Variants in JPH3 observed in about 807,000 individuals in gnomAD.
The protein encoded by JPH3 is junctophilin-3.
JPH3 carries 11 observed loss-of-function variants against 59.6 expected under a neutral mutation model. The ratio of observed to expected loss-of-function variants is 0.18; its 90% CI spans 0.12 to 0.31. The LOEUF (loss-of-function observed/expected upper bound fraction) is 0.31. JPH3 is among the 10% of genes least tolerant of loss of function. JPH3 has a pLI of 1.00. For missense variants in JPH3, 1,202 were observed against 1,105.7 expected, an observed-to-expected ratio of 1.09 and a Z score of -1.24; for synonymous variants, 673 against 483.6, an observed-to-expected ratio of 1.39 and a Z score of -5.14.
At chr16:87,659,382 AAAAAG>A (rs1263007850) in intron 2 of JPH3, among the ~76,000 whole-genome samples, 6,172 of 131,406 alleles carry the variant, frequency 0.047, 488 homozygotes, top group Non-Finnish European at 0.079. Flanking sequence ...CTCAAAAAAA[AAAAAG>A]AAAAAAAAAA....
chr16:87,670,165 C>T (rs998281150), intron 2 of JPH3, among the ~76,000 whole-genome samples: 4 of 152,092 alleles, frequency 2.6e-5, no homozygotes, highest in Non-Finnish European at 4.4e-5. Flanking sequence ...CTGCACCGGC[C>T]GATGTGGGCA....
intron 1 of JPH3, among the ~76,000 whole-genome samples, chr16:87,618,580 T>C (rs1263161055): frequency 6.6e-6 from 1 of 152,188 alleles, no homozygotes; most frequent in African/African-American, 2.4e-5. Flanking sequence ...CCAGCCTTTT[T>C]CCACCTGGCC....
Position 87,644,293 on chromosome 16 carries a change from C to T in JPH3, c.418C>T (p.Gln140Ter). The T allele has an allele frequency of 6.2e-7, 1 of 1,611,798 alleles. No individual in the cohort carries two copies. Among genetic ancestry groups the T allele is most frequent in the Non-Finnish European group, 8.5e-7 (1 of 1,179,380 alleles). The change falls in exon 2 of 5, where the codon CAG becomes TAG. Residue 140 changes from glutamine to a stop codon, truncating the protein, a stop_gained. Transcript: ENST00000284262. LOFTEE classifies it high-confidence loss of function. ...YQGQWVGGMR[Q>*]GYGVRQSVPY... ...GGGCCAGTGGGTCGGTGGCATGCGC[C>T]AGGGCTACGGCGTCCGGCAGAGCGT...
intron 3 of JPH3, among the ~76,000 whole-genome samples, chr16:87,686,257 G>A (rs1422116101): frequency 6.6e-6 from 1 of 152,248 alleles, no homozygotes; most frequent in Admixed American, 6.5e-5. Context: ...TTAAGACTCT[G>A]GAGTCGGAGA....
At chr16:87,683,847 C>G in intron 2 of JPH3, 4 of 341,924 alleles carry the variant, frequency 1.2e-5, no homozygotes, top group Non-Finnish European at 2.1e-5. Context: ...CTCAAGCGAT[C>G]TTCCTGCCTT....
At position 87,659,374 on chromosome 16, in the gene JPH3, CA is replaced by C. The variant is rs1354448370; in HGVS notation, c.1160+14351del. The stretch of plus-strand genomic sequence containing the variant: ...CCTGGGTGACAGAGTAAGACTGTCT[CA>C]AAAAAAAAAAAGAAAAAAAAAAAGA... On this transcript the variant is annotated intron_variant, in intron 2 of 4. Coordinates refer to ENST00000284262, the MANE Select transcript of JPH3 (RefSeq NM_020655.4). Among the ~76,000 whole-genome samples the C allele has an allele frequency of 3.5e-4, 26 of 74,542 alleles. 1 individual carries two copies. Among genetic ancestry groups the C allele is most frequent in the East Asian group, 1.1e-3 (3 of 2,780 alleles). The allele number at this position is 74,542 out of a possible 152,430, so 48.9% of individuals were successfully genotyped here.
At chr16:87,685,735 G>A (rs979004777) in intron 3 of JPH3, among the ~76,000 whole-genome samples, 1 of 152,254 alleles carries the variant, frequency 6.6e-6, no homozygotes, top group Non-Finnish European at 1.5e-5. Flanking sequence ...CTCAGCTCCA[G>A]CCCTGCCTGC....
chr16:87,684,062 G>C, intron 2 of JPH3, 80 bp from the exon 3 acceptor site: 1 of 1,018,408 alleles, frequency 9.8e-7, no homozygotes, highest in Non-Finnish European at 1.5e-6. Context: ...CGTTGTTGGG[G>C]GGTTGGCAGA....
At chr16:87,602,172 C>G (rs1330983120), upstream of JPH3, 1 of 151,596 alleles carries the variant, frequency 6.6e-6, no homozygotes, top group Non-Finnish European at 1.5e-5. Flanking sequence ...GGGAGGGGGC[C>G]GAGGGCGCCC....
chr16:87,622,873 AC>A (rs924993746), intron 1 of JPH3, among the ~76,000 whole-genome samples: 7 of 152,012 alleles, frequency 4.6e-5, no homozygotes, highest in African/African-American at 1.7e-4. Flanking sequence ...GCCTCTGGTC[AC>A]CCTTCCAGGG....
chr16:87,676,170 A>G (rs1408994864), intron 2 of JPH3, among the ~76,000 whole-genome samples: 2 of 152,214 alleles, frequency 1.3e-5, no homozygotes, highest in African/African-American at 4.8e-5. Flanking sequence ...GGCCATGGAA[A>G]TGTGCTCTTT....
chr16:87,672,817 C>T (rs991655802), intron 2 of JPH3, among the ~76,000 whole-genome samples: 2 of 152,150 alleles, frequency 1.3e-5, no homozygotes, highest in African/African-American at 4.8e-5. Context: ...AAGCTGGATC[C>T]CTACCTCATA....
rs114985811 is a variant in JPH3 at position 87,680,102 on chromosome 16, G to A, written c.1161-4040G>A. Among the ~76,000 whole-genome samples the A allele has an allele frequency of 4.6e-3, 706 of 152,360 alleles. 5 individuals carry two copies. Among genetic ancestry groups the A allele is most frequent in the African/African-American group, 0.016 (673 of 41,590 alleles). On this transcript the variant is annotated intron_variant, in intron 2 of 4. Transcript: ENST00000284262. The stretch of plus-strand genomic sequence containing the variant: ...CAGCTGCCTCCCTTGCAAAGGCAGG[G>A]TTGCCTTGGCAATGACACCTGAGGA...
chr16:87,635,088 C>T (rs2031692075), intron 1 of JPH3, among the ~76,000 whole-genome samples: 1 of 152,164 alleles, frequency 6.6e-6, no homozygotes, highest in African/African-American at 2.4e-5. Context: ...TTTTGCCTGC[C>T]AGAACTCATG....
At chr16:87,622,071 G>A (rs1261294523) in intron 1 of JPH3, among the ~76,000 whole-genome samples, 3 of 151,370 alleles carry the variant, frequency 2.0e-5, no homozygotes, top group South Asian at 4.2e-4. Context: ...ACAGAAGAAC[G>A]ACGCAGCCTG....
intron 1 of JPH3, among the ~76,000 whole-genome samples, chr16:87,625,196 C>G (rs984891418): frequency 1.3e-5 from 2 of 152,250 alleles, no homozygotes; most frequent in African/African-American, 4.8e-5. Flanking sequence ...GCTGAGAAGT[C>G]TTTTCCAGGG....
chr16:87,642,934 A>G (rs1010203482), intron 1 of JPH3, among the ~76,000 whole-genome samples: 12 of 152,354 alleles, frequency 7.9e-5, no homozygotes, highest in South Asian at 2.1e-4. Context: ...ACTTTTAAGT[A>G]TACAATTCAG....
At chr16:87,659,358 C>CA (rs2032619087) in intron 2 of JPH3, among the ~76,000 whole-genome samples, 1 of 101,536 alleles carries the variant, frequency 9.8e-6, no homozygotes, top group Non-Finnish European at 1.9e-5. Context: ...GCCTGGGTGA[C>CA]AGAGTAAGAC....
At chr16:87,677,150 C>T (rs1250976483) in intron 2 of JPH3, among the ~76,000 whole-genome samples, 2 of 147,780 alleles carry the variant, frequency 1.4e-5, no homozygotes, top group Admixed American at 1.4e-4. Flanking sequence ...CAGAGTGGGA[C>T]TCCATTATAC....
Sources: gnomAD v4.1 joint callset for allele counts (sites outside exome capture counted in the v4.1 genomes callset) on GRCh38, gnomAD v4.1.1 for gene constraint, MANE v1.5 for transcripts, NCBI Gene and HGNC (gene_info 2026-07-23, HGNC 2026-07-21) for gene names.